The following FBXO9 variants were observed in gnomAD, a reference collection of about 807,000 sequenced individuals.
The protein encoded by FBXO9 is F-box only protein 9.
In FBXO9, 43 loss-of-function variants were observed where a neutral mutation model predicts 63.7. That is an observed-to-expected ratio of 0.67 (90% CI 0.53 to 0.87). The LOEUF is 0.87. FBXO9 is among the 40% of genes least tolerant of loss of function. The pLI is 0.00. For synonymous variants in FBXO9, 156 were observed against 171.7 expected, an observed-to-expected ratio of 0.91 and a Z score of 0.72; for missense variants, 442 against 533.2, an observed-to-expected ratio of 0.83 and a Z score of 1.68.
At chr6:53,075,042 A>G (rs1769049436) in intron 3 of FBXO9, among the ~76,000 whole-genome samples, 1 of 152,220 alleles carries the variant, frequency 6.6e-6, no homozygotes, top group Non-Finnish European at 1.5e-5. Context: ...TGTTTTCTAG[A>G]GTATCTTATA....
At position 53,099,223 on chromosome 6, in the gene FBXO9, C is replaced by CA. The variant is rs869268001; in HGVS notation, c.*1413dup. 1,224 of 42,502 alleles carry CA rather than the reference C, an allele frequency of 0.029. 17 individuals are homozygous for CA. The highest frequency in any genetic ancestry group is 0.075 in the African/African-American group (869 of 11,556). 2.6% of individuals were successfully genotyped at this position (42,502 alleles called of 1,614,324 possible). On this transcript the variant is annotated 3_prime_UTR_variant, in exon 13 of 13. Transcript: ENST00000323557. Reference sequence around the variant, plus strand: ...GCAACATGGCAAAACACCGTCTCTACAAAAAAAAAAAAAAAAAAAATTAGC... The same window carrying CA: ...GCAACATGGCAAAACACCGTCTCTACAAAAAAAAAAAAAAAAAAAAATTAGC...
At chr6:53,088,930 T>C (rs987254157) in intron 7 of FBXO9, among the ~76,000 whole-genome samples, 10 of 150,840 alleles carry the variant, frequency 6.6e-5, no homozygotes, top group African/African-American at 2.4e-4. Context: ...TTCTTTGTTT[T>C]TTTTTTTTTG....
intron 2 of FBXO9, among the ~76,000 whole-genome samples, chr6:53,071,515 G>A (rs1768915589): frequency 6.6e-6 from 1 of 152,142 alleles, no homozygotes; most frequent in African/African-American, 2.4e-5. Context: ...TTATATATGG[G>A]CAGAGGATTC....
intron 1 of FBXO9, among the ~76,000 whole-genome samples, chr6:53,066,917 ATAGT>A (rs1468612638): frequency 6.6e-6 from 1 of 152,246 alleles, no homozygotes; most frequent in Non-Finnish European, 1.5e-5. Context: ...CCCAGATATA[ATAGT>A]TTGTTTTTGT....
chr6:53,089,192 A>T (rs1762978441), intron 7 of FBXO9, among the ~76,000 whole-genome samples: 3 of 151,698 alleles, frequency 2.0e-5, no homozygotes, highest in Admixed American at 1.3e-4. Context: ...CTCCTGCCTC[A>T]GCCTCCCCAG....
Position 53,093,946 on chromosome 6 carries a change from G to A in FBXO9, c.1021G>A (p.Val341Ile), listed in dbSNP as rs370372069. The change falls in exon 11 of 13, where the codon GTA (valine) becomes ATA (isoleucine). Residue 341 changes from valine (V) to isoleucine (I), a missense_variant. This residue lies in a region of FBXO9 where 262 missense variants were observed against 362.1 expected (regional missense o/e 0.72). Transcript: ENST00000323557. The part of the protein sequence containing the change: ...LSQDTDNQTK[V>I]FAVITKKKEE... The stretch of plus-strand genomic sequence containing the variant: ...ACAAGACACAGACAATCAGACCAAA[G>A]TATTTGCTGTAATAACTAAGAAAAA... The A allele has an allele frequency of 1.3e-6, 2 of 1,553,354 alleles. No individual in the cohort carries two copies. Among genetic ancestry groups the A allele is most frequent in the South Asian group, 2.4e-5 (2 of 83,816 alleles).
rs1762940134 is a variant in FBXO9, at chr6:53,087,976, CT to C, written c.654-4450del. On this transcript the variant is annotated intron_variant, in intron 7 of 12. Transcript: ENST00000323557. ...AACTTATATTGATGACATGCTTGGACTTTCTGCTCTGTTGTATACCTTCCTC... is the reference window on the plus strand; with the variant it reads ...AACTTATATTGATGACATGCTTGGACTTCTGCTCTGTTGTATACCTTCCTC... Among the ~76,000 whole-genome samples the C allele has an allele frequency of 2.0e-5, 3 of 152,198 alleles. No individual in the cohort carries two copies. The South Asian group carries it at 6.2e-4, about 31-fold the overall frequency.
Position 53,080,869 on chromosome 6 carries a change from CTT to C in FBXO9, c.408-95_408-94del, listed in dbSNP as rs1175484099. On this transcript the variant is annotated intron_variant, in intron 5 of 12. Transcript: ENST00000323557. The stretch of plus-strand genomic sequence containing the variant: ...CACATGTTGAATAAGCTTTAGGTGA[CTT>C]TTTGTAAAGCAAATTTGAAAATGCT... The C allele has an allele frequency of 6.8e-5, 96 of 1,403,008 alleles. No individual in the cohort carries two copies. In the Admixed American group the frequency reaches 1.9e-3, roughly 27 times the overall value. 86.9% of individuals were successfully genotyped at this position (1,403,008 alleles called of 1,614,324 possible). A position where few individuals can be genotyped will look rare whatever the true frequency, so the allele number is the denominator to read the frequency against.
At chr6:53,094,812 T>C (rs868766032) in intron 11 of FBXO9, 1 of 431,722 alleles carries the variant, frequency 2.3e-6, no homozygotes, top group Non-Finnish European at 4.6e-6. Flanking sequence ...CAGAGAGAGT[T>C]GCTTTGACTG....
At chr6:53,075,228 C>A (rs1424410416) in intron 3 of FBXO9, among the ~76,000 whole-genome samples, 1 of 151,594 alleles carries the variant, frequency 6.6e-6, no homozygotes, top group Non-Finnish European at 1.5e-5. Flanking sequence ...CTCTGCCTCC[C>A]GGGTTCAAGC....
At position 53,081,097 on chromosome 6, in the gene FBXO9, A is replaced by G; in HGVS notation, c.537A>G (p.Ser179=). 1 of 1,604,752 alleles carries G rather than the reference A, an allele frequency of 6.2e-7. No homozygotes were observed. Residue 179 remains serine, a splice_region_variant and synonymous_variant, in exon 6 of 13, where the codon TCA becomes TCG. Coordinates refer to ENST00000323557, the MANE Select transcript of FBXO9 (RefSeq NM_033480.3). The stretch of plus-strand genomic sequence containing the variant: ...TTGAGAGCAGTCAGATTCACATATC[A>G]GGTGTGAATACTTGTTTTTCATAAC... ...PELESSQIHI[S]VLPMEVLMYI...
intron 1 of FBXO9, 119 bp downstream of exon 1, chr6:53,065,911 C>T (rs1768677848): frequency 1.7e-6 from 2 of 1,204,018 alleles, no homozygotes; most frequent in African/African-American, 3.1e-5. Flanking sequence ...AGCTTCACGG[C>T]TGCCACCCGT....
rs1581800838 is a variant in FBXO9 at position 53,066,014 on chromosome 6, A to G, written c.3+222A>G. 6.6e-6 allele frequency: 8 copies of G among 1,210,280 alleles called. No individual in the cohort carries two copies. The East Asian group carries it at 9.6e-5, about 14-fold the overall frequency. The allele number at this position is 1,210,280 out of a possible 1,614,324, so 75.0% of individuals were successfully genotyped here. A position where few individuals can be genotyped will look rare whatever the true frequency, so the allele number is the denominator to read the frequency against. On this transcript the variant is annotated intron_variant, in intron 1 of 12. Transcript: ENST00000323557. ...GATTCCTTCCTGCTGAGCCTCCCCA[A>G]CCCCCGCCGAGCTCGATGTGAGGAG...
At chr6:53,065,886 C>CT in intron 1 of FBXO9, 94 bp downstream of exon 1, 4 of 1,236,580 alleles carry the variant, frequency 3.2e-6, no homozygotes, top group Non-Finnish European at 4.1e-6. Context: ...GGCGGGGACT[C>CT]TGGGGAGGAG....
In FBXO9 at chr6:53,081,031, C is replaced by T; in HGVS notation, c.471C>T (p.Leu157=). 6.2e-7 allele frequency: 1 copy of T among 1,613,594 alleles called. No individual in the cohort carries two copies. Among genetic ancestry groups the T allele is most frequent in the South Asian group, 1.1e-5 (1 of 91,082 alleles). The change falls in exon 6 of 13, where the codon CTC becomes CTT. Residue 157 remains leucine, a synonymous_variant. Coordinates refer to ENST00000323557, the MANE Select transcript of FBXO9 (RefSeq NM_033480.3). ...TCTTGTCCTACTTCCAGCAGCAACT[C>T]ACATTTCAGGAGTCTGTGCTTAAAC... ...ADLLSYFQQQ[L]TFQESVLKLC... is the part of the protein sequence containing the mutation.
In FBXO9 at chr6:53,073,538, T is replaced by C; in HGVS notation, c.148T>C (p.Ser50Pro). 6.2e-7 allele frequency: 1 copy of C among 1,613,654 alleles called. No homozygotes were observed. The highest frequency in any genetic ancestry group is 8.5e-7 in the Non-Finnish European group (1 of 1,179,754). The stretch of plus-strand genomic sequence containing the variant: ...GTTTGAACTTGCTCCAGGTGTAAGC[T>C]CTAGCAATTTAGAAAATCGACCTTG... ...WMFELAPGVS[S>P]SNLENRPCRA... The change falls in exon 3 of 13, where the codon TCT (serine) becomes CCT (proline). Residue 50 changes from serine to proline, a missense_variant. Physicochemically the swap from Ser to Pro is moderately conservative, Grantham distance 74. Transcript: ENST00000323557.
chr6:53,079,503 T>C (rs1399416289), intron 5 of FBXO9, among the ~76,000 whole-genome samples: 3 of 152,164 alleles, frequency 2.0e-5, no homozygotes, highest in African/African-American at 7.2e-5. Flanking sequence ...TGCCACTGCA[T>C]CAAAGCCATG....
At position 53,100,183 on chromosome 6, in the gene FBXO9, A is replaced by C. The variant is rs1327773501; in HGVS notation, c.*2353A>C. Reference sequence around the variant, plus strand: ...AGAATATACAGATAAAATAAAATTTAAAAAAACACCCAAAGATAACCAGAA... The same window carrying C: ...AGAATATACAGATAAAATAAAATTTCAAAAAACACCCAAAGATAACCAGAA... On this transcript the variant is annotated 3_prime_UTR_variant, in exon 13 of 13. Coordinates refer to ENST00000323557, the MANE Select transcript of FBXO9 (RefSeq NM_033480.3). 1 of 152,188 alleles carries C rather than the reference A, an allele frequency of 6.6e-6. No individual in the cohort carries two copies. Among genetic ancestry groups the C allele is most frequent in the Non-Finnish European group, 1.5e-5 (1 of 68,024 alleles). 9.4% of individuals were successfully genotyped at this position (152,188 alleles called of 1,614,324 possible).
chr6:53,071,068 G>A lies in FBXO9; in HGVS notation c.15G>A (p.Glu5=), dbSNP rs1374262650. ...TTTTCCCCCCTCAGGCAGAAGCTGA[G>A]GAAGATTGTCATTCTGATACTGTCA... is the stretch of plus-strand genomic sequence containing the variant. The part of the protein sequence containing the change: MAEA[E]EDCHSDTVRA... Residue 5 remains glutamate (E), a synonymous_variant, in exon 2 of 13, where the codon GAG becomes GAA. Transcript: ENST00000323557. 13 of 1,573,508 alleles carry A rather than the reference G, an allele frequency of 8.3e-6. No individual in the cohort carries two copies. The highest frequency in any genetic ancestry group is 2.3e-5 in the East Asian group (1 of 43,476).
Sources: gnomAD v4.1 joint callset for allele counts (sites outside exome capture counted in the v4.1 genomes callset) on GRCh38, gnomAD v4.1.1 for gene constraint, gnomAD v4.1.1 regional missense constraint, MANE v1.5 for transcripts, NCBI Gene and HGNC (gene_info 2026-07-23, HGNC 2026-07-21) for gene names.